TNPO3: variants seen among roughly 807,000 people sequenced by gnomAD.
TNPO3 encodes transportin 3, also known as transportin-3.
A neutral mutation model predicts 122.8 loss-of-function variants in TNPO3; 65 were observed. That is an observed-to-expected ratio of 0.53 (90% confidence interval 0.43 to 0.65). The LOEUF (loss-of-function observed/expected upper bound fraction) is 0.65, where lower values mean the gene tolerates loss of function less well. Ranked by LOEUF, TNPO3 falls within the 30% of genes least tolerant of loss-of-function variation. TNPO3 has a pLI of 0.00. For synonymous variants in TNPO3, 372 were observed against 411.2 expected, an observed-to-expected ratio of 0.90 and a Z score of 1.15; for missense variants, 850 against 1,136.7, an observed-to-expected ratio of 0.75 and a Z score of 3.63.
Position 128,955,201 on chromosome 7 carries a change from G to A in TNPO3, c.*216C>T, listed in dbSNP as rs1049414206. On this transcript the variant is annotated 3_prime_UTR_variant, in exon 23 of 23. Coordinates refer to ENST00000265388, the MANE Select transcript of TNPO3 (RefSeq NM_012470.4). ...CCACAGCCATCTTTTTAAAATCCGC[G>A]CTGATTTTCCCTCACACCCCCAAAC... 1.6e-5 allele frequency: 6 copies of A among 371,948 alleles called. No homozygotes were observed. Among genetic ancestry groups the A allele is most frequent in the Non-Finnish European group, 2.6e-5 (5 of 190,118 alleles). 23.0% of individuals were successfully genotyped at this position (371,948 alleles called of 1,614,324 possible).
intron 1 of TNPO3, among the ~76,000 whole-genome samples, chr7:129,028,543 C>A (rs1245595583): frequency 2.0e-5 from 3 of 152,154 alleles, no homozygotes; most frequent in Admixed American, 2.0e-4. Flanking sequence ...ATAGGAAAAT[C>A]AAGGGAATGC....
At chr7:128,970,886 G>A (rs1204438652) in intron 19 of TNPO3, 2 of 151,966 alleles carry the variant, frequency 1.3e-5, no homozygotes, top group African/African-American at 4.8e-5. Context: ...CAGGAGTGAG[G>A]AACCACTCCT....
At chr7:129,003,864 A>G (rs1326626035) in intron 5 of TNPO3, among the ~76,000 whole-genome samples, 2 of 152,194 alleles carry the variant, frequency 1.3e-5, no homozygotes, top group African/African-American at 4.8e-5. Flanking sequence ...TCCAATTCCA[A>G]TTCCCAGAAA....
chr7:128,988,877 G>A (rs1205824681), intron 11 of TNPO3, among the ~76,000 whole-genome samples: 1 of 152,110 alleles, frequency 6.6e-6, no homozygotes, highest in Non-Finnish European at 1.5e-5. Context: ...TCAGGAGTTC[G>A]AGACCAGCCT....
At chr7:129,026,125 C>CA (rs57663203) in intron 1 of TNPO3, among the ~76,000 whole-genome samples, 1,150 of 98,930 alleles carry the variant, frequency 0.012, 8 homozygotes, top group Non-Finnish European at 0.016. Flanking sequence ...GACTCCGTCT[C>CA]AAAAAAAAAA....
intron 17 of TNPO3, 80 bp from the exon 18 acceptor site, chr7:128,975,042 A>G (rs930013057): frequency 2.0e-5 from 21 of 1,068,120 alleles, no homozygotes; most frequent in South Asian, 1.3e-4. Flanking sequence ...ATTTATTACA[A>G]TAAGTACAAA....
intron 11 of TNPO3, among the ~76,000 whole-genome samples, chr7:128,989,344 G>T (rs1173748949): frequency 6.6e-6 from 1 of 152,102 alleles, no homozygotes; most frequent in African/African-American, 2.4e-5. Flanking sequence ...AAATGTCAGG[G>T]CTTGATATAT....
chr7:129,021,156 G>A (rs1365117533), intron 1 of TNPO3, among the ~76,000 whole-genome samples: 2 of 152,092 alleles, frequency 1.3e-5, no homozygotes, highest in Non-Finnish European at 2.9e-5. Flanking sequence ...AGGAGTTCAA[G>A]ACCAGTCGGG....
intron 14 of TNPO3, 133 bp from the exon 15 acceptor site, chr7:128,980,164 T>TA (rs1324194141): frequency 1.3e-6 from 1 of 783,004 alleles, no homozygotes; most frequent in Non-Finnish European, 2.2e-6. Context: ...GTCATTTACT[T>TA]ACATCACCTT....
chr7:129,046,302 T>C (rs1272597998), intron 1 of TNPO3, among the ~76,000 whole-genome samples: 2 of 152,088 alleles, frequency 1.3e-5, no homozygotes, highest in Middle Eastern at 3.4e-3. Flanking sequence ...CACAGCTACA[T>C]TGGTACACTC....
chr7:128,996,752 A>G, intron 8 of TNPO3, among the ~76,000 whole-genome samples: 1 of 151,096 alleles, frequency 6.6e-6, no homozygotes, highest in Non-Finnish European at 1.5e-5. Context: ...CAAAAAAAAA[A>G]AAAAAAAAAA....
At chr7:129,049,957 T>G (rs957367826) in intron 1 of TNPO3, among the ~76,000 whole-genome samples, 2 of 152,094 alleles carry the variant, frequency 1.3e-5, no homozygotes, top group Non-Finnish European at 2.9e-5. Context: ...GATGTGGTGG[T>G]GTGCACCTGT....
chr7:128,975,020 G>A (rs1458193615), intron 17 of TNPO3, 58 bp from the exon 18 acceptor site: 2 of 1,336,024 alleles, frequency 1.5e-6, no homozygotes, highest in Admixed American at 3.5e-5. Context: ...ACAGCATTCA[G>A]ACTTGCCAAA....
At chr7:129,018,833 C>T (rs1285365414) in intron 1 of TNPO3, among the ~76,000 whole-genome samples, 8 of 152,138 alleles carry the variant, frequency 5.3e-5, no homozygotes, top group Non-Finnish European at 2.9e-5. Flanking sequence ...ATTCTCCTGC[C>T]TCAGTCTTCT....
At chr7:128,998,747 C>T (rs1801608392) in intron 7 of TNPO3, among the ~76,000 whole-genome samples, 1 of 152,186 alleles carries the variant, frequency 6.6e-6, no homozygotes, top group East Asian at 1.9e-4. Flanking sequence ...TGGTCTCGAA[C>T]TCATGGGCTC....
At chr7:129,015,248 T>C (rs1368939214) in intron 3 of TNPO3, 113 bp from the exon 4 acceptor site, 3 of 1,031,836 alleles carry the variant, frequency 2.9e-6, no homozygotes, top group Non-Finnish European at 4.2e-6. Flanking sequence ...CCCACCACTG[T>C]TAAGGGGGAG....
intron 5 of TNPO3, among the ~76,000 whole-genome samples, chr7:129,002,578 T>C (rs1437428486): frequency 3.3e-5 from 5 of 152,218 alleles, no homozygotes; most frequent in Non-Finnish European, 7.3e-5. Flanking sequence ...TATTCTTAGA[T>C]TGAATAGTAG....
rs77291170 is a variant in TNPO3 at position 129,031,969 on chromosome 7, G to A, written c.121-13812C>T. Among the ~76,000 whole-genome samples the A allele has an allele frequency of 1.5e-3, 224 of 152,206 alleles. 6 individuals carry two copies. The East Asian group carries it at 0.041, about 28-fold the overall frequency. On this transcript the variant is annotated intron_variant, in intron 1 of 22. Coordinates refer to ENST00000265388, the MANE Select transcript of TNPO3 (RefSeq NM_012470.4). ...CCCAAATAAGTCAGATTACAGGCAT[G>A]AGCCATCACGCCTGGCTTTTCAACA... is the stretch of plus-strand genomic sequence containing the variant.
chr7:129,020,959 AAAC>A (rs1319845652), intron 1 of TNPO3, among the ~76,000 whole-genome samples: 1 of 152,186 alleles, frequency 6.6e-6, no homozygotes, highest in Non-Finnish European at 1.5e-5. Context: ...AAGCAGAGGC[AAAC>A]AACAGGGTGT....
Sources: allele counts gnomAD v4.1 joint callset (sites outside exome capture counted in the v4.1 genomes callset), GRCh38; gene constraint gnomAD v4.1.1; transcripts MANE v1.5; gene names NCBI Gene and HGNC (gene_info 2026-07-23, HGNC 2026-07-21).